IGDCC4: variants seen among roughly 807,000 people sequenced by gnomAD.
IGDCC4 encodes the protein likely ortholog of mouse neighbor of Punc E11.
IGDCC4 carries 72 observed loss-of-function variants against 116.6 expected under a neutral mutation model. The ratio of observed to expected loss-of-function variants is 0.62; its 90% confidence interval spans 0.51 to 0.75. IGDCC4 has a LOEUF of 0.75. Ranked by LOEUF, IGDCC4 falls within the 30% of genes least tolerant of loss-of-function variation. The pLI is 0.00. For synonymous variants in IGDCC4, 709 were observed against 719.9 expected (o/e 0.98, Z 0.24); for missense variants, 1,501 against 1,662.4 (o/e 0.90, Z 1.69).
intron 1 of IGDCC4, among the ~76,000 whole-genome samples, chr15:65,420,749 T>A (rs2063182861): frequency 6.6e-6 from 1 of 151,982 alleles, no homozygotes; most frequent in African/African-American, 2.4e-5. Flanking sequence ...ACTGTCCCCA[T>A]CATCATTCTC....
chr15:65,405,140 G>GGA (rs59427953), intron 3 of IGDCC4, among the ~76,000 whole-genome samples: 1,755 of 131,880 alleles, frequency 0.013, 46 homozygotes, highest in African/African-American at 0.04. Context: ...GGGGGGGGGG[G>GGA]AGTAAAAAAA....
intron 1 of IGDCC4, among the ~76,000 whole-genome samples, chr15:65,418,274 T>A (rs1426932819): frequency 6.6e-6 from 1 of 152,212 alleles, no homozygotes; most frequent in African/African-American, 2.4e-5. Context: ...TACTTAAACA[T>A]GACCAGGCTG....
At chr15:65,415,419 C>A (rs180944161) in intron 1 of IGDCC4, among the ~76,000 whole-genome samples, 61 of 152,310 alleles carry the variant, frequency 4.0e-4, no homozygotes, top group African/African-American at 1.4e-3. Flanking sequence ...GGCTCCGATT[C>A]CCTTCCTGAA....
Position 65,396,047 on chromosome 15 carries a change from C to A in IGDCC4, c.1114G>T (p.Gly372Trp). 1.4e-6 allele frequency: 2 copies of A among 1,443,404 alleles called. No individual in the cohort carries two copies. Among genetic ancestry groups the A allele is most frequent in the Non-Finnish European group, 1.8e-6 (2 of 1,103,348 alleles). 89.4% of individuals were successfully genotyped at this position (1,443,404 alleles called of 1,614,324 possible). Residue 372 changes from glycine (G) to tryptophan (W), a missense_variant, in exon 7 of 20, where the codon GGG (glycine) becomes TGG (tryptophan). Gly to Trp is a radical substitution (Grantham distance 184). Around this residue, in one of 3 missense-constraint regions of IGDCC4, gnomAD observed 898 missense variants for 978.9 expected, o/e 0.92. Transcript: ENST00000352385. Reference sequence around the variant, plus strand: ...CGCCCGTTGGGCCGCAGCGGCGCCCCGTTGTGCAGCCAGCGCAGCGCTGGC... The same window carrying A: ...CGCCCGTTGGGCCGCAGCGGCGCCCAGTTGTGCAGCCAGCGCAGCGCTGGC... ...PRPALRWLHN[G>W]APLRPNGRVK...
rs1195680030 is a variant in IGDCC4 at position 65,411,028 on chromosome 15, T to C, written c.413A>G (p.Lys138Arg). The C allele has an allele frequency of 6.2e-7, 1 of 1,606,992 alleles. No individual in the cohort carries two copies. Among genetic ancestry groups the C allele is most frequent in the Admixed American group, 1.7e-5 (1 of 59,760 alleles). The change falls in exon 2 of 20, where the codon AAG (lysine) becomes AGG (arginine). Residue 138 changes from lysine to arginine, a missense_variant. Lys to Arg is a conservative substitution (Grantham distance 26). Transcript: ENST00000352385. ...GVLASQTAVV[K>R]LATLADFSLH... Reference sequence around the variant, plus strand: ...CCGATGCAAGCACTTACTGGCAAGCTTGACGACAGCAGTCTGGCTGGCCAG... The same window carrying C: ...CCGATGCAAGCACTTACTGGCAAGCCTGACGACAGCAGTCTGGCTGGCCAG...
chr15:65,419,893 C>T (rs1207930162), intron 1 of IGDCC4, among the ~76,000 whole-genome samples: 1 of 152,194 alleles, frequency 6.6e-6, no homozygotes, highest in Non-Finnish European at 1.5e-5. Context: ...CAGGCACAGG[C>T]ATTATCCTAA....
rs2091412807 is a variant in IGDCC4 at position 65,382,720 on chromosome 15, G to C, written c.*1289C>G. ...AGACCTCCTTGCCAGCACCCCAGAGGGTGAGATTCCTGTCATCCCCAATCC... is the reference window on the plus strand; with the variant it reads ...AGACCTCCTTGCCAGCACCCCAGAGCGTGAGATTCCTGTCATCCCCAATCC... On this transcript the variant is annotated 3_prime_UTR_variant, in exon 20 of 20. Transcript: ENST00000352385. 6.6e-6 allele frequency: 1 copy of C among 152,058 alleles called. No homozygotes were observed. The highest frequency in any genetic ancestry group is 1.5e-5 in the Non-Finnish European group (1 of 68,028). The allele number at this position is 152,058 out of a possible 1,614,324, so 9.4% of individuals were successfully genotyped here.
intron 3 of IGDCC4, among the ~76,000 whole-genome samples, chr15:65,408,189 T>A (rs903252655): frequency 6.6e-6 from 1 of 152,198 alleles, no homozygotes; most frequent in African/African-American, 2.4e-5. Flanking sequence ...TGAGAAAACA[T>A]GTAAAAGGCT....
At chr15:65,398,843 TCG>T in intron 5 of IGDCC4, among the ~76,000 whole-genome samples, 1 of 152,142 alleles carries the variant, frequency 6.6e-6, no homozygotes, top group Admixed American at 6.5e-5. Flanking sequence ...TGAGCAGAGA[TCG>T]CGCCACTGCA....
chr15:65,418,236 G>C (rs2063161296), intron 1 of IGDCC4, among the ~76,000 whole-genome samples: 1 of 152,194 alleles, frequency 6.6e-6, no homozygotes, highest in Non-Finnish European at 1.5e-5. Context: ...AGATAGAACA[G>C]CTGAAGTCCA....
At chr15:65,399,439 G>A (rs1211600241) in intron 5 of IGDCC4, among the ~76,000 whole-genome samples, 2 of 139,846 alleles carry the variant, frequency 1.4e-5, no homozygotes, top group Non-Finnish European at 3.0e-5. Flanking sequence ...TCCAGCCTGG[G>A]TGACAGGCAA....
chr15:65,401,009 C>T, intron 4 of IGDCC4, 63 bp from the exon 5 acceptor site: 1 of 1,604,670 alleles, frequency 6.2e-7, no homozygotes, highest in Non-Finnish European at 8.5e-7. Context: ...GATACCTCAC[C>T]TGAGTCTCAC....
chr15:65,387,545 G>GTT (rs1229214324), intron 16 of IGDCC4, among the ~76,000 whole-genome samples: 1 of 152,032 alleles, frequency 6.6e-6, no homozygotes, highest in African/African-American at 2.4e-5. Flanking sequence ...TAGAGACAGA[G>GTT]TTTCACCGTG....
chr15:65,383,626 C>T lies in IGDCC4; in HGVS notation c.*383G>A, dbSNP rs546448459. On this transcript the variant is annotated 3_prime_UTR_variant, in exon 20 of 20. Transcript: ENST00000352385. ...TCAGAGTGTGTAATAAAAGGCTGGG[C>T]GATGGAGGTGGGGGCCCACAGGGCT... is the stretch of plus-strand genomic sequence containing the variant. 6.2e-5 allele frequency: 11 copies of T among 176,584 alleles called. No homozygotes were observed. The highest frequency in any genetic ancestry group is 2.1e-4 in the African/African-American group (9 of 42,578). The allele number at this position is 176,584 out of a possible 1,614,324, so 10.9% of individuals were successfully genotyped here.
intron 1 of IGDCC4, among the ~76,000 whole-genome samples, chr15:65,418,033 G>A (rs537265320): frequency 3.9e-5 from 6 of 152,296 alleles, no homozygotes; most frequent in Admixed American, 3.9e-4. Flanking sequence ...TTCTTGAATG[G>A]ATGAGTGAAC....
At position 65,402,499 on chromosome 15, in the gene IGDCC4, G is replaced by A. The variant is rs767960512; in HGVS notation, c.564-12C>T. 6.4e-6 allele frequency: 10 copies of A among 1,564,270 alleles called. No individual in the cohort carries two copies. Among genetic ancestry groups the A allele is most frequent in the South Asian group, 5.9e-5 (5 of 84,958 alleles). On this transcript the variant is annotated splice_polypyrimidine_tract_variant and intron_variant, in intron 3 of 19. Transcript: ENST00000352385. ...GAAGCACGATGAGCCTTGGGAAGAG[G>A]GGAGCAGGCAACTGTGAGGTGGGCA...
In IGDCC4 at chr15:65,392,249, C is replaced by A; in HGVS notation, c.2007G>T (p.Gly669=). 1 of 1,612,128 alleles carries A rather than the reference C, an allele frequency of 6.2e-7. No individual in the cohort carries two copies. The highest frequency in any genetic ancestry group is 8.5e-7 in the Non-Finnish European group (1 of 1,178,838). ...GATCGCCATTGGCCTCCTCCTCAGCCCCCACCTCCCGCCAATATAGTTTGT... is the reference window on the plus strand; with the variant it reads ...GATCGCCATTGGCCTCCTCCTCAGCACCCACCTCCCGCCAATATAGTTTGT... The part of the protein sequence containing the change: ...SGYKLYWREV[G]AEEEANGDRL... The change falls in exon 11 of 20, where the codon GGG becomes GGT. Residue 669 remains glycine (G), a synonymous_variant. Coordinates refer to ENST00000352385, the MANE Select transcript of IGDCC4 (RefSeq NM_020962.3).
intron 1 of IGDCC4, among the ~76,000 whole-genome samples, chr15:65,417,383 G>A (rs2063154194): frequency 6.6e-6 from 1 of 152,060 alleles, no homozygotes. Context: ...GCCAGGCTCA[G>A]CTTGACCTGC....
Position 65,384,019 on chromosome 15 carries a change from G to A in IGDCC4, c.3743C>T (p.Ser1248Phe). 3 of 1,590,866 alleles carry A rather than the reference G, an allele frequency of 1.9e-6. No individual in the cohort carries two copies. The highest frequency in any genetic ancestry group is 2.6e-6 in the Non-Finnish European group (3 of 1,163,758). The change falls in exon 20 of 20, where the codon TCC (serine) becomes TTC (phenylalanine). Residue 1248 changes from serine to phenylalanine, a missense_variant. Coordinates refer to ENST00000352385, the MANE Select transcript of IGDCC4 (RefSeq NM_020962.3). This position sits in a 1 kb window ranked among gnomAD's most constrained non-coding sequence, Gnocchi z 4.9. ...ATCCTCTGGGAAGAGCTAGGCAGAG[G>A]AGGAGACCGGGGATCTGGGCAGGCC... The part of the protein sequence containing the change: ...SPGLPRSPVS[S>F]SA
Sources: allele counts gnomAD v4.1 joint callset (sites outside exome capture counted in the v4.1 genomes callset), GRCh38; gene constraint gnomAD v4.1.1; regional missense constraint gnomAD v4.1.1; non-coding constraint Gnocchi (gnomAD v3.1); transcripts MANE v1.5; gene names NCBI Gene and HGNC (gene_info 2026-07-23, HGNC 2026-07-21).